Variants in TMEM182 observed in about 807,000 individuals in gnomAD.
The protein encoded by TMEM182 is transmembrane protein 182.
TMEM182 carries 20 observed loss-of-function variants against 26.8 expected under a neutral mutation model. The ratio of observed to expected loss-of-function variants is 0.75; its 90% confidence interval spans 0.53 to 1.09. The LOEUF is 1.09. Ranked by LOEUF, TMEM182 falls within the 50% of genes least tolerant of loss-of-function variation. The pLI is 0.00. For missense variants in TMEM182, 277 were observed against 275.5 expected (o/e 1.01, Z -0.04); for synonymous variants, 109 against 102.2 (o/e 1.07, Z -0.40).
chr2:102,834,955 A>G (rs1051026716), intron 3 of TMEM182, among the ~76,000 whole-genome samples: 2 of 152,050 alleles, frequency 1.3e-5, no homozygotes, highest in Non-Finnish European at 2.9e-5. Flanking sequence ...CCCAAATAAC[A>G]CCTCCTAGAT....
chr2:102,797,740 T>A, intron 3 of TMEM182, 123 bp from the exon 4 acceptor site: 1 of 1,191,122 alleles, frequency 8.4e-7, no homozygotes, highest in Non-Finnish European at 1.2e-6. Flanking sequence ...TGGCATTCTA[T>A]CTAGCAGTGC....
intron 4 of TMEM182, among the ~76,000 whole-genome samples, chr2:102,806,125 A>G (rs1213385661): frequency 6.6e-6 from 1 of 152,200 alleles, no homozygotes; most frequent in African/African-American, 2.4e-5. Context: ...GCTCAGAACT[A>G]ACTAGTAGTG....
chr2:102,746,854 T>C (rs1001221085), intron 1 of TMEM182, among the ~76,000 whole-genome samples: 5 of 152,228 alleles, frequency 3.3e-5, no homozygotes, highest in Admixed American at 6.5e-5. Flanking sequence ...CCCAAAGTGC[T>C]GAGATTACAG....
intron 3 of TMEM182, among the ~76,000 whole-genome samples, chr2:102,843,139 C>T (rs1428939131): frequency 6.6e-6 from 1 of 152,152 alleles, no homozygotes; most frequent in Non-Finnish European, 1.5e-5. Flanking sequence ...AGGGTTTGTG[C>T]GTCCTGAGCC....
At chr2:102,788,559 A>G (rs1681497768) in intron 3 of TMEM182, among the ~76,000 whole-genome samples, 2 of 151,920 alleles carry the variant, frequency 1.3e-5, no homozygotes, top group Admixed American at 1.3e-4. Flanking sequence ...CACCCATAGG[A>G]CCACTAATAC....
At chr2:102,789,425 G>T (rs886437089) in intron 3 of TMEM182, among the ~76,000 whole-genome samples, 3 of 152,100 alleles carry the variant, frequency 2.0e-5, no homozygotes, top group Non-Finnish European at 4.4e-5. Context: ...ATTATATTAT[G>T]CAAAATCAAG....
At chr2:102,769,399 T>C (rs897444080) in intron 3 of TMEM182, among the ~76,000 whole-genome samples, 2 of 152,198 alleles carry the variant, frequency 1.3e-5, no homozygotes, top group East Asian at 3.8e-4. Flanking sequence ...AGTTTCCTTT[T>C]CAAATAGGTG....
intron 3 of TMEM182, among the ~76,000 whole-genome samples, chr2:102,829,720 T>G (rs1457604460): frequency 1.3e-5 from 2 of 152,162 alleles, no homozygotes. Flanking sequence ...GGTCCAGAGT[T>G]TTTTTTGCCA....
chr2:102,824,383 G>A (rs1682990470), intron 3 of TMEM182, among the ~76,000 whole-genome samples: 2 of 152,208 alleles, frequency 1.3e-5, no homozygotes, highest in South Asian at 4.1e-4. Flanking sequence ...CCCAGTGTTG[G>A]AGGAGGAGTC....
chr2:102,842,375 A>G (rs1311191512), intron 3 of TMEM182, among the ~76,000 whole-genome samples: 1 of 152,160 alleles, frequency 6.6e-6, no homozygotes, highest in Non-Finnish European at 1.5e-5. Context: ...TTGAACTTGC[A>G]GTGCCGTTTC....
chr2:102,758,165 A>G (rs1414466304), upstream of TMEM182, among the ~76,000 whole-genome samples: 1 of 152,188 alleles, frequency 6.6e-6, no homozygotes, highest in Non-Finnish European at 1.5e-5. Flanking sequence ...TAGGATTATT[A>G]GGAGTTGAGG....
At chr2:102,763,644 T>G (rs1302006502) in intron 2 of TMEM182, among the ~76,000 whole-genome samples, 1 of 152,128 alleles carries the variant, frequency 6.6e-6, no homozygotes, top group Non-Finnish European at 1.5e-5. Flanking sequence ...GGCAGGAGAA[T>G]AAGCATACAA....
chr2:102,787,519 T>C (rs1681449022), intron 3 of TMEM182, among the ~76,000 whole-genome samples: 2 of 152,244 alleles, frequency 1.3e-5, no homozygotes, highest in Admixed American at 1.3e-4. Context: ...GTTCAACATA[T>C]GAATTTGAGT....
intron 3 of TMEM182, among the ~76,000 whole-genome samples, chr2:102,776,320 T>G (rs1680913721): frequency 6.6e-6 from 1 of 152,188 alleles, no homozygotes; most frequent in Admixed American, 6.5e-5. Flanking sequence ...GTGTACTGTT[T>G]ATTTATCCCT....
intron 3 of TMEM182, among the ~76,000 whole-genome samples, chr2:102,767,168 T>G (rs73944416): frequency 0.026 from 4,027 of 152,312 alleles, 156 homozygotes; most frequent in African/African-American, 0.091. Context: ...TAAACTTACA[T>G]TGGCTCTTTC....
chr2:102,755,736 TC>T (rs1247120826), intron 1 of TMEM182, among the ~76,000 whole-genome samples: 6 of 152,284 alleles, frequency 3.9e-5, no homozygotes, highest in African/African-American at 1.4e-4. Flanking sequence ...GGGGCCAATG[TC>T]CCCAGTAACG....
upstream of TMEM182, among the ~76,000 whole-genome samples, chr2:102,758,207 G>A (rs777115226): frequency 2.4e-4 from 37 of 152,182 alleles, no homozygotes; most frequent in Admixed American, 3.9e-4. Flanking sequence ...CTATTGAAAG[G>A]CCCCTTTTCC....
intron 4 of TMEM182, among the ~76,000 whole-genome samples, chr2:102,810,757 CA>C (rs1410364206): frequency 6.6e-6 from 1 of 151,918 alleles, no homozygotes; most frequent in African/African-American, 2.4e-5. Context: ...TTATAAAATT[CA>C]ATTGGAAATA....
chr2:102,814,526 A>G (rs983168186), intron 4 of TMEM182, among the ~76,000 whole-genome samples: 2 of 152,184 alleles, frequency 1.3e-5, no homozygotes, highest in Admixed American at 6.6e-5. Context: ...CCTGTCAGTG[A>G]TTGCTGTTCT....
Sources: allele counts gnomAD v4.1 joint callset (sites outside exome capture counted in the v4.1 genomes callset), GRCh38; gene constraint gnomAD v4.1.1; transcripts MANE v1.5; gene names NCBI Gene and HGNC (gene_info 2026-07-23, HGNC 2026-07-21).